Variants in PCDHGA5 observed in about 807,000 individuals in gnomAD.
The protein encoded by PCDHGA5 is protocadherin gamma subfamily A, 5, also known as protocadherin gamma-A5.
A neutral mutation model predicts 56.7 loss-of-function variants in PCDHGA5; 36 were observed. The observed-to-expected ratio is 0.64, with a 90% CI of 0.49 to 0.84. The LOEUF (loss-of-function observed/expected upper bound fraction) is 0.84. Among genes scored for constraint, PCDHGA5 ranks in the 40% least tolerant of loss-of-function variants. PCDHGA5 has a pLI of 0.00. For synonymous variants in PCDHGA5, 563 were observed against 520.2 expected (o/e 1.08, Z -1.12); for missense variants, 1,305 against 1,201.5 (o/e 1.09, Z -1.27).
chr5:141,447,356 C>T (rs1158878203), intron 1 of PCDHGA5, among the ~76,000 whole-genome samples: 4 of 152,000 alleles, frequency 2.6e-5, no homozygotes, highest in African/African-American at 9.7e-5. Context: ...TCAGGCTGGT[C>T]TCAAACTCCT....
intron 1 of PCDHGA5, chr5:141,418,882 C>G: frequency 1.2e-6 from 2 of 1,613,960 alleles, no homozygotes; most frequent in Non-Finnish European, 1.7e-6. Flanking sequence ...TAGACGAAAA[C>G]GACAACAGCC....
chr5:141,370,739 C>CT (rs772637726), intron 1 of PCDHGA5: 1 of 1,613,910 alleles, frequency 6.2e-7, no homozygotes, highest in Non-Finnish European at 8.5e-7. Flanking sequence ...AGCCTTTAAA[C>CT]TTTTTTCATG....
intron 1 of PCDHGA5, chr5:141,423,762 G>T: frequency 2.3e-5 from 6 of 264,236 alleles, no homozygotes; most frequent in Non-Finnish European, 3.4e-5. Context: ...GGGGGGGGGT[G>T]GGGCGGCATA....
At chr5:141,394,610 C>T in intron 1 of PCDHGA5, 1 of 1,613,488 alleles carries the variant, frequency 6.2e-7, no homozygotes, top group African/African-American at 1.3e-5. Flanking sequence ...GAGACTCGGG[C>T]CAGAACGCCT....
chr5:141,420,187 C>T (rs1369031488), intron 1 of PCDHGA5: 7 of 1,613,824 alleles, frequency 4.3e-6, no homozygotes, highest in Non-Finnish European at 5.9e-6. Context: ...ATTGTCCAGC[C>T]ACACAAGATA....
At position 141,422,923 on chromosome 5, in the gene PCDHGA5, C is replaced by T. The variant is rs188787674; in HGVS notation, c.2421+56172C>T. The T allele has an allele frequency of 1.6e-5, 26 of 1,614,252 alleles. No homozygotes were observed. In the East Asian group the frequency reaches 2.5e-4, roughly 15 times the overall value. On this transcript the variant is annotated intron_variant, in intron 1 of 3. Coordinates refer to ENST00000518069, the MANE Select transcript of PCDHGA5 (RefSeq NM_018918.3). ...CGACAATGCGCCCGAGATCCTGTAC[C>T]CTGCCCTCCCCACAGACGGCTCCAC...
At chr5:141,404,917 G>C in intron 1 of PCDHGA5, 1 of 1,613,772 alleles carries the variant, frequency 6.2e-7, no homozygotes, top group Non-Finnish European at 8.5e-7. Flanking sequence ...CCCCTCTCTC[G>C]GCCACTGTCA....
At chr5:141,384,845 A>G (rs866832912) in intron 1 of PCDHGA5, 1 of 1,613,546 alleles carries the variant, frequency 6.2e-7, no homozygotes. Flanking sequence ...GTCCAGGACC[A>G]CGGTCAGCCT....
At chr5:141,461,302 T>A (rs1009664719) in intron 1 of PCDHGA5, among the ~76,000 whole-genome samples, 3 of 152,142 alleles carry the variant, frequency 2.0e-5, no homozygotes. Flanking sequence ...CAACATCTAT[T>A]GTTTTTTGAC....
Position 141,489,527 on chromosome 5 carries a change from G to A in PCDHGA5, c.2422-5280G>A. On this transcript the variant is annotated intron_variant, in intron 1 of 3. Coordinates refer to ENST00000518069, the MANE Select transcript of PCDHGA5 (RefSeq NM_018918.3). The surrounding 1 kb of genome is among the most constrained non-coding windows in gnomAD (Gnocchi z 4.5). The stretch of plus-strand genomic sequence containing the variant: ...CAAAAGATTGACCGAGAAAGCCTAT[G>A]TGGAGCCAGCACCAGCTGCCTGCTG... The A allele has an allele frequency of 1.9e-6, 3 of 1,614,152 alleles. No individual in the cohort carries two copies. Among genetic ancestry groups the A allele is most frequent in the East Asian group, 2.2e-5 (1 of 44,874 alleles).
intron 1 of PCDHGA5, chr5:141,403,053 C>A: frequency 6.2e-7 from 1 of 1,614,076 alleles, no homozygotes; most frequent in Non-Finnish European, 8.5e-7. Context: ...ATTCGCTACT[C>A]AGTGCCTGAA....
intron 2 of PCDHGA5, among the ~76,000 whole-genome samples, chr5:141,497,962 G>A (rs2099780751): frequency 6.6e-6 from 1 of 152,236 alleles, no homozygotes; most frequent in African/African-American, 2.4e-5. Context: ...TGGCCAGGCA[G>A]TGTTCTCGAT....
At chr5:141,505,574 C>T (rs1275802375) in intron 3 of PCDHGA5, 93 bp downstream of exon 3, 13 of 1,593,636 alleles carry the variant, frequency 8.2e-6, no homozygotes, top group Non-Finnish European at 1.1e-5. Context: ...GGATGTCAAA[C>T]CTGTGTAGTT....
At chr5:141,505,777 TCTG>T (rs77860300) in intron 3 of PCDHGA5, among the ~76,000 whole-genome samples, 6,508 of 152,280 alleles carry the variant, frequency 0.043, 161 homozygotes, top group Middle Eastern at 0.13. Context: ...AGGTCCTAGC[TCTG>T]CTACTATCCT....
chr5:141,430,720 T>G, intron 1 of PCDHGA5: 1 of 1,486,390 alleles, frequency 6.7e-7, no homozygotes, highest in East Asian at 2.4e-5. Flanking sequence ...ACTTCAGTGG[T>G]TAAGGGCAGA....
At chr5:141,438,571 T>TATAC (rs1212381177) in intron 1 of PCDHGA5, among the ~76,000 whole-genome samples, 15 of 94,542 alleles carry the variant, frequency 1.6e-4, no homozygotes, top group South Asian at 1.0e-3. Flanking sequence ...AGCTGTCTGA[T>TATAC]ATACATACAT....
intron 1 of PCDHGA5, among the ~76,000 whole-genome samples, chr5:141,430,226 T>C (rs1331325242): frequency 6.9e-6 from 1 of 144,216 alleles, no homozygotes; most frequent in Admixed American, 7.0e-5. Context: ...ATATGATTTG[T>C]CAAAAAGAGA....
chr5:141,455,593 C>T (rs957677108), intron 1 of PCDHGA5, among the ~76,000 whole-genome samples: 4 of 152,070 alleles, frequency 2.6e-5, no homozygotes, highest in Non-Finnish European at 5.9e-5. Flanking sequence ...AATATGCAAA[C>T]GTAGGGCGCC....
chr5:141,478,164 C>A (rs202185809), intron 1 of PCDHGA5: 2 of 1,614,010 alleles, frequency 1.2e-6, no homozygotes, highest in African/African-American at 1.3e-5. Context: ...GGCTCTGCCC[C>A]CCGGGAGCAG....
Sources: allele counts gnomAD v4.1 joint callset (sites outside exome capture counted in the v4.1 genomes callset), GRCh38; gene constraint gnomAD v4.1.1; non-coding constraint Gnocchi (gnomAD v3.1); transcripts MANE v1.5; gene names NCBI Gene and HGNC (gene_info 2026-07-23, HGNC 2026-07-21).